GLT8D2: variants seen among roughly 807,000 people sequenced by gnomAD.
The protein encoded by GLT8D2 is glycosyltransferase 8 domain containing 2.
GLT8D2 carries 45 observed loss-of-function variants against 44.5 expected under a neutral mutation model. That is an observed-to-expected ratio of 1.01 (90% CI 0.80 to 1.30). The LOEUF is 1.30. Ranked by LOEUF, GLT8D2 falls within the 50% of genes most tolerant of loss-of-function variation. GLT8D2 has a pLI of 0.00. For synonymous variants in GLT8D2, 156 were observed against 157.2 expected (o/e 0.99, Z 0.06); for missense variants, 400 against 430.4 (o/e 0.93, Z 0.62).
At chr12:104,050,530 AG>A (rs1881610607), upstream of GLT8D2, among the ~76,000 whole-genome samples, 1 of 152,314 alleles carries the variant, frequency 6.6e-6, no homozygotes, top group East Asian at 1.9e-4. Flanking sequence ...TAATGACAAA[AG>A]TTTCAGGATG....
intron 1 of GLT8D2, among the ~76,000 whole-genome samples, chr12:104,044,621 G>C (rs1362508873): frequency 6.6e-6 from 1 of 152,052 alleles, no homozygotes; most frequent in African/African-American, 2.4e-5. Flanking sequence ...CAATCACCGA[G>C]TCCTACTAAT....
intron 1 of GLT8D2, among the ~76,000 whole-genome samples, chr12:104,027,184 C>T (rs1282352213): frequency 6.6e-6 from 1 of 152,214 alleles, no homozygotes; most frequent in East Asian, 1.9e-4. Flanking sequence ...GACCCTTCTC[C>T]TCTTCCCCTT....
intron 4 of GLT8D2, among the ~76,000 whole-genome samples, chr12:104,010,469 C>T (rs1160653476): frequency 6.6e-6 from 1 of 152,204 alleles, no homozygotes; most frequent in East Asian, 1.9e-4. Context: ...TTAACACGCA[C>T]CTTCTCTATG....
intron 1 of GLT8D2, among the ~76,000 whole-genome samples, chr12:104,063,275 A>G (rs1311126197): frequency 6.6e-6 from 1 of 152,202 alleles, no homozygotes; most frequent in Non-Finnish European, 1.5e-5. Context: ...CTGTGGCAAG[A>G]GTGGCTAAAA....
At chr12:104,044,202 A>G (rs1486364644) in intron 1 of GLT8D2, among the ~76,000 whole-genome samples, 2 of 152,126 alleles carry the variant, frequency 1.3e-5, no homozygotes, top group Non-Finnish European at 2.9e-5. Context: ...CTCTTCCCAG[A>G]TATCTACATG....
chr12:104,025,701 CA>C (rs1878490371), intron 1 of GLT8D2, among the ~76,000 whole-genome samples: 1 of 152,046 alleles, frequency 6.6e-6, no homozygotes, highest in South Asian at 2.1e-4. Flanking sequence ...TATGGTTATC[CA>C]GTTGTTCCAA....
At position 103,994,401 on chromosome 12, in the gene GLT8D2, T is replaced by A. The variant is rs574125536; in HGVS notation, c.701A>T (p.Asn234Ile). The A allele has an allele frequency of 2.7e-5, 44 of 1,614,166 alleles. No individual in the cohort carries two copies. The South Asian group carries it at 4.8e-4, about 18-fold the overall frequency. ...GCGCTGGTGCTTCCATTCTGTCATG[T>A]TGGCAACAATCACACCAGGATTGAA... ...CSFNPGVIVA[N>I]MTEWKHQRIT... Residue 234 changes from asparagine (N) to isoleucine (I), a missense_variant, in exon 9 of 11, where the codon AAC becomes ATC. Coordinates refer to ENST00000360814, the MANE Select transcript of GLT8D2 (RefSeq NM_001384711.1).
At chr12:104,012,922 C>T in intron 4 of GLT8D2, 1 of 618,054 alleles carries the variant, frequency 1.6e-6, no homozygotes, top group African/African-American at 1.9e-5. Context: ...AAGAAGGCGG[C>T]CATCTGCATG....
At chr12:103,990,500 G>C (rs535511006) in intron 10 of GLT8D2, among the ~76,000 whole-genome samples, 1 of 152,230 alleles carries the variant, frequency 6.6e-6, no homozygotes, top group East Asian at 1.9e-4. Context: ...CATTAAGGTG[G>C]CGTGAATGTA....
chr12:104,039,622 C>A (rs1404494666), intron 1 of GLT8D2, among the ~76,000 whole-genome samples: 1 of 152,082 alleles, frequency 6.6e-6, no homozygotes, highest in South Asian at 2.1e-4. Flanking sequence ...GTTAGAATGG[C>A]GATCATTAAA....
At chr12:104,008,956 T>A (rs1476393470) in intron 4 of GLT8D2, among the ~76,000 whole-genome samples, 1 of 152,238 alleles carries the variant, frequency 6.6e-6, no homozygotes, top group East Asian at 1.9e-4. Context: ...AGAAGATGTA[T>A]GGAAATGTCT....
chr12:104,032,383 C>A (rs1879363980), intron 1 of GLT8D2, among the ~76,000 whole-genome samples: 1 of 141,632 alleles, frequency 7.1e-6, no homozygotes, highest in South Asian at 2.3e-4. Context: ...TTGACCCTGC[C>A]ACATGGGTCC....
chr12:104,012,395 T>G (rs1875984254), intron 4 of GLT8D2, among the ~76,000 whole-genome samples: 1 of 152,154 alleles, frequency 6.6e-6, no homozygotes, highest in Non-Finnish European at 1.5e-5. Flanking sequence ...CATGTGATAA[T>G]GGATCCATTC....
intron 3 of GLT8D2, among the ~76,000 whole-genome samples, chr12:104,015,398 ACAC>A (rs1876433440): frequency 8.5e-6 from 1 of 118,326 alleles, no homozygotes. Context: ...CAACAAACAC[ACAC>A]ACACACACAC....
chr12:104,028,756 T>G (rs1878877878), intron 1 of GLT8D2, among the ~76,000 whole-genome samples: 1 of 152,152 alleles, frequency 6.6e-6, no homozygotes. Flanking sequence ...TAATCACACT[T>G]AAGATCAACA....
chr12:104,019,856 C>G (rs1877396886), intron 2 of GLT8D2, among the ~76,000 whole-genome samples, 180 bp from the exon 3 acceptor site: 1 of 152,154 alleles, frequency 6.6e-6, no homozygotes, highest in Non-Finnish European at 1.5e-5. Flanking sequence ...TCTTCAAAAG[C>G]AATGCCTCTG....
chr12:104,049,722 T>C (rs1348790540), intron 1 of GLT8D2, among the ~76,000 whole-genome samples, 173 bp downstream of exon 1: 8 of 152,222 alleles, frequency 5.3e-5, no homozygotes, highest in Admixed American at 5.2e-4. Context: ...CGAAAAGGGT[T>C]CCGCTGGAAT....
chr12:104,021,941 AGAAGAAGAAGAAGAG>A (rs1304694331), intron 1 of GLT8D2, among the ~76,000 whole-genome samples: 540 of 22,152 alleles, frequency 0.024, 52 homozygotes, highest in East Asian at 0.056. Context: ...AAGAAGAAGA[AGAAGAAGAAGAAGAG>A]GAAGAAGAGG....
At chr12:104,008,951 A>G (rs751978440) in intron 4 of GLT8D2, among the ~76,000 whole-genome samples, 4 of 152,226 alleles carry the variant, frequency 2.6e-5, no homozygotes, top group Non-Finnish European at 5.9e-5. Flanking sequence ...ATTTCAGAAG[A>G]TGTATGGAAA....
Sources: allele counts gnomAD v4.1 joint callset (sites outside exome capture counted in the v4.1 genomes callset), GRCh38; gene constraint gnomAD v4.1.1; transcripts MANE v1.5; gene names NCBI Gene and HGNC (gene_info 2026-07-23, HGNC 2026-07-21).